Variants in BAZ1A observed in about 807,000 individuals in gnomAD.
BAZ1A encodes the protein bromodomain adjacent to zinc finger domain protein 1A.
BAZ1A carries 50 observed loss-of-function variants against 185.2 expected under a neutral mutation model. That is an observed-to-expected ratio of 0.27 (90% confidence interval 0.22 to 0.34). The LOEUF is 0.34. Among genes scored for constraint, BAZ1A ranks in the 10% least tolerant of loss-of-function variants. The pLI is 1.00. For missense variants in BAZ1A, 1,356 were observed against 1,839.9 expected (o/e 0.74, Z 4.81); for synonymous variants, 571 against 615.6 (o/e 0.93, Z 1.07).
intron 20 of BAZ1A, among the ~76,000 whole-genome samples, chr14:34,773,320 A>AT (rs1879350070): frequency 1.3e-5 from 2 of 151,932 alleles, no homozygotes; most frequent in African/African-American, 4.8e-5. Context: ...AAGTTCAAAG[A>AT]TTAAAAAAAA....
chr14:34,820,302 G>A (rs1300716195), intron 4 of BAZ1A, among the ~76,000 whole-genome samples: 2 of 151,622 alleles, frequency 1.3e-5, no homozygotes, highest in Admixed American at 1.3e-4. Flanking sequence ...ATTTTTTTGT[G>A]TGGTTTTTTG....
intron 20 of BAZ1A, among the ~76,000 whole-genome samples, chr14:34,773,275 A>G (rs1260547855): frequency 6.6e-6 from 1 of 152,170 alleles, no homozygotes; most frequent in Non-Finnish European, 1.5e-5. Context: ...AAGAAGAATA[A>G]TAGTATAATT....
intron 3 of BAZ1A, among the ~76,000 whole-genome samples, chr14:34,841,948 TA>T (rs1434054127): frequency 6.6e-6 from 1 of 152,178 alleles, no homozygotes; most frequent in Non-Finnish European, 1.5e-5. Context: ...AGTTTTATTT[TA>T]AAAAATTTTT....
chr14:34,794,697 C>T, intron 11 of BAZ1A, 52 bp downstream of exon 11: 1 of 1,559,460 alleles, frequency 6.4e-7, no homozygotes, highest in Non-Finnish European at 8.7e-7. Flanking sequence ...TTTTTAAAGC[C>T]ACTAATTTTA....
At position 34,776,522 on chromosome 14, in the gene BAZ1A, TTAAAA is replaced by T. The variant is rs533147999; in HGVS notation, c.2237-12_2237-8del. 14,603 of 1,558,030 alleles carry T rather than the reference TTAAAA, an allele frequency of 9.4e-3. 101 individuals carry two copies. Among genetic ancestry groups the T allele is most frequent in the Non-Finnish European group, 0.012 (13,458 of 1,157,490 alleles). On this transcript the variant is annotated splice_polypyrimidine_tract_variant and splice_region_variant and intron_variant, in intron 17 of 26. Transcript: ENST00000360310. Reference sequence around the variant, plus strand: ...CCATTTTGTCCTCTTTTCCCTGTAATTAAAATAAAATGTTTCATCATCATCATATT... The same window carrying T: ...CCATTTTGTCCTCTTTTCCCTGTAATTAAAATGTTTCATCATCATCATATT...
intron 9 of BAZ1A, among the ~76,000 whole-genome samples, chr14:34,796,954 T>C (rs1426368790): frequency 6.6e-6 from 1 of 152,244 alleles, no homozygotes; most frequent in Non-Finnish European, 1.5e-5. Context: ...TACTTAGTTA[T>C]GTGTATGTAT....
At chr14:34,828,034 C>T (rs1236057381) in intron 3 of BAZ1A, among the ~76,000 whole-genome samples, 1 of 152,030 alleles carries the variant, frequency 6.6e-6, no homozygotes, top group African/African-American at 2.4e-5. Context: ...GTGGCTCACA[C>T]CTGTAACCCC....
chr14:34,832,589 C>G (rs1594885925), intron 3 of BAZ1A, among the ~76,000 whole-genome samples: 2 of 152,066 alleles, frequency 1.3e-5, no homozygotes, highest in South Asian at 4.2e-4. Context: ...AATACAAAAT[C>G]AAAACCACAA....
intron 3 of BAZ1A, among the ~76,000 whole-genome samples, chr14:34,837,841 C>CT (rs2042353645): frequency 6.6e-6 from 1 of 152,148 alleles, no homozygotes; most frequent in East Asian, 1.9e-4. Context: ...GTCTTGCCTC[C>CT]TTACAGCAAG....
intron 3 of BAZ1A, among the ~76,000 whole-genome samples, chr14:34,844,133 G>C (rs1385194821): frequency 2.0e-5 from 3 of 148,636 alleles, no homozygotes; most frequent in African/African-American, 2.5e-5. Context: ...GTGAATCCGG[G>C]AGGCGGAGCT....
chr14:34,845,543 CTA>C (rs1157930134), intron 3 of BAZ1A, among the ~76,000 whole-genome samples: 1 of 152,058 alleles, frequency 6.6e-6, no homozygotes, highest in African/African-American at 2.4e-5. Flanking sequence ...TCAAGTTTAT[CTA>C]TGAGAAAAGT....
At chr14:34,758,885 CA>C (rs1278156697) in intron 24 of BAZ1A, 39 bp from the exon 25 acceptor site, 1 of 1,601,986 alleles carries the variant, frequency 6.2e-7, no homozygotes. Context: ...GATAACAAAG[CA>C]AAATATTGGT....
chr14:34,831,011 A>G (rs1401536701), intron 3 of BAZ1A, among the ~76,000 whole-genome samples: 1 of 152,106 alleles, frequency 6.6e-6, no homozygotes, highest in Non-Finnish European at 1.5e-5. Context: ...GGAAGGTTTT[A>G]TTAACTACAA....
chr14:34,874,470 C>T lies in BAZ1A; in HGVS notation c.113+22G>A, dbSNP rs1205354334. On this transcript the variant is annotated intron_variant, in intron 2 of 26. Coordinates refer to ENST00000360310, the MANE Select transcript of BAZ1A (RefSeq NM_013448.3). This position sits in a 1 kb window ranked among gnomAD's most constrained non-coding sequence, Gnocchi z 4.7. ...GGGAGTCCCCACACCCCCCGCGGCC[C>T]CGCACACGGCCCGGCTCTTACTCGT... 6.2e-7 allele frequency: 1 copy of T among 1,604,826 alleles called. No homozygotes were observed. The highest frequency in any genetic ancestry group is 8.5e-7 in the Non-Finnish European group (1 of 1,172,770).
rs754982121 is a variant in BAZ1A, at chr14:34,761,953, C to T, written c.4047G>A (p.Val1349=). Residue 1349 remains valine, a synonymous_variant, in exon 24 of 27, where the codon GTG becomes GTA. Transcript: ENST00000360310. Reference sequence around the variant, plus strand: ...GTTTTCTACGAGGACTAAGCAATTCCACAAATACATCTGCTTGCAGTGGGC... The same window carrying T: ...GTTTTCTACGAGGACTAAGCAATTCTACAAATACATCTGCTTGCAGTGGGC... ...SHGPLQADVF[V]ELLSPRRKRR... is the part of the protein sequence containing the mutation. The T allele has an allele frequency of 6.2e-7, 1 of 1,614,166 alleles. No homozygotes were observed. Among genetic ancestry groups the T allele is most frequent in the South Asian group, 1.1e-5 (1 of 91,082 alleles).
chr14:34,873,302 G>A (rs931021983), intron 2 of BAZ1A, among the ~76,000 whole-genome samples: 3 of 152,150 alleles, frequency 2.0e-5, no homozygotes, highest in Admixed American at 2.0e-4. Context: ...AAGCCACAAA[G>A]GGACTCCTTT....
Position 34,758,677 on chromosome 14 carries a change from A to G in BAZ1A, c.4386+27T>C, listed in dbSNP as rs931896625. ...GGACTAAATCAGATAATATACAGGA[A>G]TACATTTTATCAAGTCTAGTAATTA... On this transcript the variant is annotated intron_variant, in intron 25 of 26. Coordinates refer to ENST00000360310, the MANE Select transcript of BAZ1A (RefSeq NM_013448.3). 4 of 1,608,650 alleles carry G rather than the reference A, an allele frequency of 2.5e-6. No homozygotes were observed. In the African/African-American group the frequency reaches 4.0e-5, roughly 16 times the overall value.
In BAZ1A at chr14:34,753,278, C is replaced by A; in HGVS notation, c.*230G>T. 1 of 454,828 alleles carries A rather than the reference C, an allele frequency of 2.2e-6. No homozygotes were observed. The highest frequency in any genetic ancestry group is 3.8e-5 in the Admixed American group (1 of 26,066). 28.2% of individuals were successfully genotyped at this position (454,828 alleles called of 1,614,324 possible). ...AAAAATGTACAAAAACCTCTGTAAA[C>A]CAGTACTGTATCCAATACATCTATC... On this transcript the variant is annotated 3_prime_UTR_variant, in exon 27 of 27. Coordinates refer to ENST00000360310, the MANE Select transcript of BAZ1A (RefSeq NM_013448.3).
chr14:34,759,183 T>TGTTTTTTTTTTGTTG (rs1397017919), intron 24 of BAZ1A, among the ~76,000 whole-genome samples: 1 of 120,962 alleles, frequency 8.3e-6, no homozygotes, highest in Admixed American at 8.9e-5. Context: ...TTTTTTTTTT[T>TGTTTTTTTTTTGTTG]TTTTTTTTTT....
Sources: gnomAD v4.1 joint callset for allele counts (sites outside exome capture counted in the v4.1 genomes callset) on GRCh38, gnomAD v4.1.1 for gene constraint, Gnocchi (gnomAD v3.1) non-coding constraint, MANE v1.5 for transcripts, NCBI Gene and HGNC (gene_info 2026-07-23, HGNC 2026-07-21) for gene names.